CFAP77: variants seen among roughly 807,000 people sequenced by gnomAD.
CFAP77 encodes the protein cilia- and flagella-associated protein 77.
Under a neutral mutation model 31.1 loss-of-function variants are expected in CFAP77, and 25 were observed. The ratio of observed to expected loss-of-function variants is 0.80; its 90% CI spans 0.59 to 1.12. The LOEUF is 1.12. CFAP77 is among the 50% of genes most tolerant of loss of function. The pLI is 0.00. For synonymous variants in CFAP77, 151 were observed against 159.9 expected, an observed-to-expected ratio of 0.94 and a Z score of 0.42; for missense variants, 377 against 397.3, an observed-to-expected ratio of 0.95 and a Z score of 0.44.
intron 1 of CFAP77, among the ~76,000 whole-genome samples, chr9:132,473,963 G>A (rs534069817): frequency 9.2e-5 from 14 of 152,306 alleles, no homozygotes; most frequent in Admixed American, 4.6e-4. Flanking sequence ...GGTTACAGGC[G>A]TGAGCCACCG....
chr9:132,561,190 T>G (rs1336657006), intron 5 of CFAP77, among the ~76,000 whole-genome samples: 1 of 152,122 alleles, frequency 6.6e-6, no homozygotes, highest in Admixed American at 6.5e-5. Context: ...CTGGGACTGA[T>G]CCATAATTTT....
chr9:132,531,816 G>A (rs557195177), intron 3 of CFAP77, among the ~76,000 whole-genome samples: 1 of 152,214 alleles, frequency 6.6e-6, no homozygotes, highest in Non-Finnish European at 1.5e-5. Context: ...AGGGTTTGTC[G>A]GTTACTCTCA....
chr9:132,477,320 T>A (rs1681877292), intron 1 of CFAP77, among the ~76,000 whole-genome samples: 1 of 152,196 alleles, frequency 6.6e-6, no homozygotes, highest in South Asian at 2.1e-4. Context: ...AAAGATGCAT[T>A]GAGCACCTAC....
At position 132,411,860 on chromosome 9, in the gene CFAP77, TACACACAC is replaced by T. The variant is rs3079550; in HGVS notation, c.195+1418_195+1425del. On this transcript the variant is annotated intron_variant, in intron 1 of 5. Coordinates refer to ENST00000393216, the MANE Select transcript of CFAP77 (RefSeq NM_001282957.2). The stretch of plus-strand genomic sequence containing the variant: ...TGTGGTGCCCACGCTGAGCAATATG[TACACACAC>T]ACACACACACACACACACACACATA... Among the ~76,000 whole-genome samples the T allele has an allele frequency of 7.0e-3, 1,042 of 149,618 alleles. 2 individuals carry two copies. Among genetic ancestry groups the T allele is most frequent in the Admixed American group, 0.012 (173 of 15,016 alleles).
rs973647687 is a variant in CFAP77, at chr9:132,490,330, C to T, written c.196-8365C>T. On this transcript the variant is annotated intron_variant, in intron 1 of 5. Coordinates refer to ENST00000393216, the MANE Select transcript of CFAP77 (RefSeq NM_001282957.2). This position sits in a 1 kb window ranked among gnomAD's most constrained non-coding sequence, Gnocchi z 4.6. ...ATAGCACCATGGAAAAGCAGGTGAC[C>T]GTCAAGCCTCAGGTGGCCCCTGTGT... Among the ~76,000 whole-genome samples the T allele has an allele frequency of 2.6e-5, 4 of 152,124 alleles. No homozygotes were observed. Among genetic ancestry groups the T allele is most frequent in the Non-Finnish European group, 5.9e-5 (4 of 68,026 alleles).
chr9:132,513,501 C>T (rs913611624), intron 3 of CFAP77: 11 of 957,796 alleles, frequency 1.1e-5, no homozygotes, highest in Admixed American at 3.1e-5. Flanking sequence ...TTCCACCCAG[C>T]GTGCCCAGTT....
At chr9:132,509,715 G>A (rs547623410) in intron 3 of CFAP77, among the ~76,000 whole-genome samples, 2 of 152,306 alleles carry the variant, frequency 1.3e-5, no homozygotes, top group East Asian at 3.9e-4. Flanking sequence ...GTTGCAGTGA[G>A]TCAAGATTGC....
chr9:132,419,335 G>A (rs540161836), intron 1 of CFAP77, among the ~76,000 whole-genome samples: 136 of 152,310 alleles, frequency 8.9e-4, no homozygotes, highest in African/African-American at 3.2e-3. Context: ...ATTAGTGAGA[G>A]GACACACCGC....
chr9:132,435,498 A>C (rs950258646), intron 1 of CFAP77, among the ~76,000 whole-genome samples: 1 of 152,080 alleles, frequency 6.6e-6, no homozygotes, highest in African/African-American at 2.4e-5. Flanking sequence ...TGTTCACTTC[A>C]AACTAAATAA....
At position 132,554,983 on chromosome 9, in the gene CFAP77, TCCATCCTC is replaced by T. The variant is rs1852878107; in HGVS notation, c.732+11937_732+11944del. On this transcript the variant is annotated intron_variant, in intron 5 of 5. Transcript: ENST00000393216. The surrounding 1 kb of genome is among the most constrained non-coding windows in gnomAD (Gnocchi z 4.1). Reference sequence around the variant, plus strand: ...ATCCATCCATCCATCCATCCATCCATCCATCCTCAGCCATCTGTCCATCTGTTTGTTCA... The same window carrying T: ...ATCCATCCATCCATCCATCCATCCATAGCCATCTGTCCATCTGTTTGTTCA... 6.9e-6 allele frequency among the ~76,000 whole-genome samples: 1 copy of T among 145,486 alleles called. No homozygotes were observed. The highest frequency in any genetic ancestry group is 1.5e-5 in the Non-Finnish European group (1 of 65,628).
chr9:132,536,863 A>G (rs1852553100), intron 3 of CFAP77, among the ~76,000 whole-genome samples: 1 of 151,704 alleles, frequency 6.6e-6, no homozygotes, highest in African/African-American at 2.4e-5. Flanking sequence ...CTGGGATTTT[A>G]CCCTTCTCAT....
Position 132,511,686 on chromosome 9 carries a change from G to A in CFAP77, c.524+12086G>A, listed in dbSNP as rs1354693515. ...GCAGGGCACTGAGCTTCAGCTACAG[G>A]AGCTGTTGAAAATCATCGTTTGTTA... On this transcript the variant is annotated intron_variant, in intron 3 of 5. Coordinates refer to ENST00000393216, the MANE Select transcript of CFAP77 (RefSeq NM_001282957.2). The surrounding 1 kb of genome is among the most constrained non-coding windows in gnomAD (Gnocchi z 5.8). 6.6e-6 allele frequency among the ~76,000 whole-genome samples: 1 copy of A among 152,220 alleles called. No homozygotes were observed. The highest frequency in any genetic ancestry group is 1.5e-5 in the Non-Finnish European group (1 of 68,042).
At chr9:132,452,135 C>T (rs1850839013) in intron 1 of CFAP77, among the ~76,000 whole-genome samples, 3 of 152,130 alleles carry the variant, frequency 2.0e-5, no homozygotes, top group African/African-American at 4.8e-5. Flanking sequence ...CTGGTCCCAT[C>T]GCTCCCCCAT....
At chr9:132,419,400 G>A (rs1483987931) in intron 1 of CFAP77, among the ~76,000 whole-genome samples, 1 of 152,210 alleles carries the variant, frequency 6.6e-6, no homozygotes, top group Non-Finnish European at 1.5e-5. Flanking sequence ...CTGTGCCGTG[G>A]CGTCAGAGAA....
chr9:132,459,217 G>A (rs919739161), intron 1 of CFAP77, among the ~76,000 whole-genome samples: 69 of 152,032 alleles, frequency 4.5e-4, no homozygotes, highest in Non-Finnish European at 7.5e-4. Context: ...GACTACAGGC[G>A]CCCGCCACCA....
rs61265124 is a variant in CFAP77 at position 132,485,985 on chromosome 9, CATATATATATATATATATAT to C, written c.196-12673_196-12654del. ...TGCTGGGATTTGAGAACACACACCT[CATATATATATATATATATAT>C]ATATATATATATATATATATATATA... On this transcript the variant is annotated intron_variant, in intron 1 of 5. Transcript: ENST00000393216. Among the ~76,000 whole-genome samples the C allele has an allele frequency of 8.2e-4, 44 of 53,570 alleles. 1 individual carries two copies. The highest frequency in any genetic ancestry group is 2.7e-3 in the South Asian group (4 of 1,470). 35.1% of individuals were successfully genotyped at this position (53,570 alleles called of 152,430 possible).
Position 132,572,561 on chromosome 9 carries a change from CAGA to C in CFAP77, c.*54_*56del, listed in dbSNP as rs749243075. On this transcript the variant is annotated 3_prime_UTR_variant, in exon 6 of 6. Transcript: ENST00000393216. Reference sequence around the variant, plus strand: ...CCATCTTGACATAGTGGAAAATTCCCAGAAGGACTCCCTATCTTGCCCCAACCC... The same window carrying C: ...CCATCTTGACATAGTGGAAAATTCCCAGGACTCCCTATCTTGCCCCAACCC... The C allele has an allele frequency of 1.3e-6, 2 of 1,561,174 alleles. No individual in the cohort carries two copies. Among genetic ancestry groups the C allele is most frequent in the East Asian group, 4.6e-5 (2 of 43,714 alleles).
intron 1 of CFAP77, among the ~76,000 whole-genome samples, chr9:132,473,957 A>G (rs1851305250): frequency 6.6e-6 from 1 of 152,210 alleles, no homozygotes; most frequent in Admixed American, 6.5e-5. Flanking sequence ...TGCTGGGGTT[A>G]CAGGCGTGAG....
At position 132,554,559 on chromosome 9, in the gene CFAP77, ACTCCTGGGCTCAAGAGATCTGC is replaced by A. The variant is rs769654686; in HGVS notation, c.732+11514_732+11535del. ...ACCATATTGCCTAGGCTGGTCTTGA[ACTCCTGGGCTCAAGAGATCTGC>A]CCGCCTTGGCCTCCCAAAGTGTTAG... is the stretch of plus-strand genomic sequence containing the variant. On this transcript the variant is annotated intron_variant, in intron 5 of 5. Transcript: ENST00000393216. The surrounding 1 kb of genome is among the most constrained non-coding windows in gnomAD (Gnocchi z 4.1). 3.6e-4 allele frequency among the ~76,000 whole-genome samples: 55 copies of A among 150,806 alleles called. 1 individual carries two copies. The highest frequency in any genetic ancestry group is 8.4e-4 in the South Asian group (4 of 4,738).
Sources: gnomAD v4.1 joint callset for allele counts (sites outside exome capture counted in the v4.1 genomes callset) on GRCh38, gnomAD v4.1.1 for gene constraint, Gnocchi (gnomAD v3.1) non-coding constraint, MANE v1.5 for transcripts, NCBI Gene and HGNC (gene_info 2026-07-23, HGNC 2026-07-21) for gene names.